Variants in GAS2 observed in about 807,000 individuals in gnomAD.
GAS2 encodes growth arrest-specific protein 2.
GAS2 carries 20 observed loss-of-function variants against 37.5 expected under a neutral mutation model. The ratio of observed to expected loss-of-function variants is 0.53; its 90% CI spans 0.37 to 0.77. The LOEUF (loss-of-function observed/expected upper bound fraction) is 0.77. Ranked by LOEUF, GAS2 falls within the 30% of genes least tolerant of loss-of-function variation. The probability of loss-of-function intolerance (pLI) is 0.00; values close to 1 mark genes in which losing one functional copy is unlikely to be tolerated. For missense variants in GAS2, 336 were observed against 373.4 expected (o/e 0.90, Z 0.82); for synonymous variants, 144 against 132.2 (o/e 1.09, Z -0.61).
intron 7 of GAS2, among the ~76,000 whole-genome samples, chr11:22,808,239 A>T (rs981801811): frequency 1.3e-5 from 2 of 152,232 alleles, no homozygotes; most frequent in Admixed American, 1.3e-4. Context: ...ATAAAGCTAG[A>T]CTTTGGAGAT....
At chr11:22,635,842 C>T (rs1245165520) in intron 1 of GAS2, among the ~76,000 whole-genome samples, 1 of 152,204 alleles carries the variant, frequency 6.6e-6, no homozygotes, top group African/African-American at 2.4e-5. Context: ...CTCATATACT[C>T]TTTACCACTC....
At chr11:22,713,210 A>G (rs1296566694) in intron 3 of GAS2, among the ~76,000 whole-genome samples, 1 of 152,032 alleles carries the variant, frequency 6.6e-6, no homozygotes, top group Non-Finnish European at 1.5e-5. Flanking sequence ...AGAGAAATGC[A>G]AAATACACTG....
At chr11:22,806,812 T>A (rs1856917401) in intron 7 of GAS2, among the ~76,000 whole-genome samples, 1 of 152,200 alleles carries the variant, frequency 6.6e-6, no homozygotes, top group East Asian at 1.9e-4. Flanking sequence ...AGAGAGGTTG[T>A]AAGGTTTGCT....
intron 3 of GAS2, among the ~76,000 whole-genome samples, chr11:22,719,340 G>GCAATCAC (rs1311185466): frequency 4.0e-5 from 6 of 151,872 alleles, no homozygotes; most frequent in Non-Finnish European, 8.8e-5. Context: ...CCTACCCCTG[G>GCAATCAC]CAATCACCGT....
At chr11:22,667,104 G>A (rs550758897) in intron 1 of GAS2, 1 of 152,292 alleles carries the variant, frequency 6.6e-6, no homozygotes, top group Non-Finnish European at 1.5e-5. Flanking sequence ...CTAAGAGTGG[G>A]TATTCACTGC....
At chr11:22,793,456 G>A (rs1856275309) in intron 7 of GAS2, among the ~76,000 whole-genome samples, 1 of 152,026 alleles carries the variant, frequency 6.6e-6, no homozygotes. Flanking sequence ...TATAGTCTGG[G>A]CAAAAAATGA....
At chr11:22,713,803 A>G (rs1851528428) in intron 3 of GAS2, among the ~76,000 whole-genome samples, 1 of 152,222 alleles carries the variant, frequency 6.6e-6, no homozygotes, top group South Asian at 2.1e-4. Context: ...ATAAATGCTA[A>G]GAGAATTATT....
chr11:22,774,062 C>T (rs750166497), intron 7 of GAS2, among the ~76,000 whole-genome samples: 11 of 152,250 alleles, frequency 7.2e-5, no homozygotes, highest in Admixed American at 6.5e-5. Flanking sequence ...GGCACAATCT[C>T]GGCTCACTGC....
intron 3 of GAS2, among the ~76,000 whole-genome samples, chr11:22,696,557 C>G (rs1210632917): frequency 2.0e-5 from 3 of 152,066 alleles, no homozygotes; most frequent in Non-Finnish European, 2.9e-5. Flanking sequence ...ACAGTCCCAC[C>G]AACAGTGTAA....
In GAS2 at chr11:22,776,648, A is replaced by G. The variant is rs141092764; in HGVS notation, c.723+20695A>G. ...CTAAGAAAATTAAGTTACATATTAT[A>G]CATTTATAGGAGGTAGGAACCATAT... On this transcript the variant is annotated intron_variant, in intron 7 of 7. Transcript: ENST00000454584. Among the ~76,000 whole-genome samples, 572 of 152,310 alleles carry G rather than the reference A, an allele frequency of 3.8e-3. 2 individuals are homozygous for G. The highest frequency in any genetic ancestry group is 6.1e-3 in the Non-Finnish European group (417 of 68,008).
rs942851027 is a variant in GAS2, at chr11:22,800,547, G to A, written c.724-11251G>A. Among the ~76,000 whole-genome samples, 81 of 152,014 alleles carry A rather than the reference G, an allele frequency of 5.3e-4. 1 individual carries two copies. The highest frequency in any genetic ancestry group is 1.3e-4 in the Non-Finnish European group (9 of 67,982). ...AGAGTGAGAGATGAGGAGACATCCT[G>A]CTGAAAAGCGTTCATGTCCTCAAGG... is the stretch of plus-strand genomic sequence containing the variant. On this transcript the variant is annotated intron_variant, in intron 7 of 7. Transcript: ENST00000454584.
chr11:22,670,336 C>T (rs1252082570), intron 1 of GAS2, among the ~76,000 whole-genome samples: 1 of 143,908 alleles, frequency 6.9e-6, no homozygotes, highest in Non-Finnish European at 1.6e-5. Flanking sequence ...GTGATGTCCT[C>T]TCACACTTAC....
intron 1 of GAS2, chr11:22,626,029 G>C (rs942133229): frequency 6.5e-6 from 4 of 618,084 alleles, no homozygotes; most frequent in South Asian, 5.5e-5. Context: ...TTAGTGGAGG[G>C]AGAGCAGATG....
At chr11:22,629,359 C>A (rs1264491158) in intron 1 of GAS2, among the ~76,000 whole-genome samples, 1 of 152,076 alleles carries the variant, frequency 6.6e-6, no homozygotes, top group Non-Finnish European at 1.5e-5. Context: ...TAATAATGAC[C>A]ATTCTGGCCA....
rs188330053 is a variant in GAS2, at chr11:22,711,166, A to G, written c.268-15126A>G. On this transcript the variant is annotated intron_variant, in intron 3 of 7. Coordinates refer to ENST00000454584, the MANE Select transcript of GAS2 (RefSeq NM_001143830.3). ...ATGAGTTCCCAAAGTGTGAGGGGGG[A>G]AAAGTCACCCTCTAAACACATATCC... Among the ~76,000 whole-genome samples the G allele has an allele frequency of 4.1e-3, 628 of 152,266 alleles. 6 individuals are homozygous for G. Among genetic ancestry groups the G allele is most frequent in the Non-Finnish European group, 5.6e-3 (383 of 68,016 alleles).
intron 1 of GAS2, among the ~76,000 whole-genome samples, chr11:22,670,369 C>T (rs1329997178): frequency 6.8e-6 from 1 of 147,870 alleles, no homozygotes; most frequent in Non-Finnish European, 1.5e-5. Flanking sequence ...ATAGCATTTC[C>T]CTATTAACTG....
chr11:22,727,004 T>TCAG (rs1421641619), intron 4 of GAS2, among the ~76,000 whole-genome samples: 1 of 152,156 alleles, frequency 6.6e-6, no homozygotes, highest in Non-Finnish European at 1.5e-5. Flanking sequence ...TGCCTACACC[T>TCAG]ACTGAGATAA....
At chr11:22,788,250 G>T (rs1021148681) in intron 7 of GAS2, among the ~76,000 whole-genome samples, 16 of 152,188 alleles carry the variant, frequency 1.1e-4, no homozygotes, top group African/African-American at 3.9e-4. Flanking sequence ...TTATCACTGA[G>T]ATTTAGAATA....
intron 4 of GAS2, among the ~76,000 whole-genome samples, chr11:22,729,738 A>G (rs1435622779): frequency 6.9e-6 from 1 of 144,126 alleles, no homozygotes; most frequent in Non-Finnish European, 1.5e-5. Context: ...CTAGATGTGA[A>G]TAAAATCTAC....
Sources: allele counts gnomAD v4.1 joint callset (sites outside exome capture counted in the v4.1 genomes callset), GRCh38; gene constraint gnomAD v4.1.1; transcripts MANE v1.5; gene names NCBI Gene and HGNC (gene_info 2026-07-23, HGNC 2026-07-21).